CRADD: variants seen among roughly 807,000 people sequenced by gnomAD.
CRADD encodes death domain-containing protein CRADD.
Under a neutral mutation model 15.5 loss-of-function variants are expected in CRADD, and 9 were observed. The observed-to-expected ratio is 0.58, with a 90% CI of 0.35 to 1.01. The LOEUF (loss-of-function observed/expected upper bound fraction) is 1.01. Ranked by LOEUF, CRADD falls within the 50% of genes least tolerant of loss-of-function variation. The pLI is 0.02. For synonymous variants in CRADD, 118 were observed against 107.6 expected (o/e 1.10, Z -0.60); for missense variants, 227 against 250.3 (o/e 0.91, Z 0.63).
intron 2 of CRADD, among the ~76,000 whole-genome samples, chr12:93,742,440 G>GCCGGCTGCCTCTGCGGGCC (rs576081916): frequency 0.029 from 4,382 of 150,818 alleles, 206 homozygotes; most frequent in African/African-American, 0.1. Context: ...GCCCTAGGGC[G>GCCGGCTGCCTCTGCGGGCC]CCGGCTGCCT....
intron 2 of CRADD, among the ~76,000 whole-genome samples, chr12:93,798,997 G>A (rs565630786): frequency 2.0e-5 from 3 of 152,038 alleles, no homozygotes; most frequent in South Asian, 4.2e-4. Context: ...GGACTCCCAG[G>A]AACATAATTA....
chr12:93,846,275 A>G (rs886921411), intron 2 of CRADD, among the ~76,000 whole-genome samples: 4 of 152,150 alleles, frequency 2.6e-5, no homozygotes, highest in African/African-American at 9.7e-5. Flanking sequence ...CCCTGCATTC[A>G]ATTCTTTTGA....
intron 2 of CRADD, among the ~76,000 whole-genome samples, chr12:93,804,544 G>T (rs970917320): frequency 6.6e-6 from 1 of 152,102 alleles, no homozygotes; most frequent in African/African-American, 2.4e-5. Flanking sequence ...GTAGTGCGGG[G>T]TGTCTGCCGG....
intron 2 of CRADD, among the ~76,000 whole-genome samples, chr12:93,754,129 GA>G (rs1447448954): frequency 6.6e-6 from 1 of 152,228 alleles, no homozygotes; most frequent in Admixed American, 6.5e-5. Context: ...ACACCATGTG[GA>G]AACTGCCAAG....
intron 2 of CRADD, among the ~76,000 whole-genome samples, chr12:93,804,540 C>T (rs1233685846): frequency 6.6e-6 from 1 of 152,054 alleles, no homozygotes; most frequent in African/African-American, 2.4e-5. Context: ...AAATGTAGTG[C>T]GGGGTGTCTG....
intron 2 of CRADD, among the ~76,000 whole-genome samples, chr12:93,847,507 A>G (rs1263888473): frequency 6.8e-6 from 1 of 147,190 alleles, no homozygotes; most frequent in Non-Finnish European, 1.5e-5. Flanking sequence ...TGAAAAAAAA[A>G]AAAAAAAAAA....
In CRADD at chr12:93,849,479, G is replaced by A. The variant is rs561967906; in HGVS notation, c.299-491G>A. ...TAACAGGCAGGGTGCTGTGGCTCAC[G>A]CCTGTAATCCTAGCACTTTGGGAGG... On this transcript the variant is annotated intron_variant, in intron 2 of 2. Transcript: ENST00000332896. 7 of 154,516 alleles carry A rather than the reference G, an allele frequency of 4.5e-5. No homozygotes were observed. In the South Asian group the frequency reaches 7.9e-4, roughly 17 times the overall value. 9.6% of individuals were successfully genotyped at this position (154,516 alleles called of 1,614,324 possible). A position where few individuals can be genotyped will look rare whatever the true frequency, so the allele number is the denominator to read the frequency against.
At chr12:93,791,618 T>C (rs993448061) in intron 2 of CRADD, among the ~76,000 whole-genome samples, 1 of 152,258 alleles carries the variant, frequency 6.6e-6, no homozygotes, top group Non-Finnish European at 1.5e-5. Context: ...GCATGGCAAC[T>C]GTAGTAGTTA....
At chr12:93,778,753 T>C (rs984327546) in intron 2 of CRADD, among the ~76,000 whole-genome samples, 1 of 151,896 alleles carries the variant, frequency 6.6e-6, no homozygotes, top group African/African-American at 2.4e-5. Flanking sequence ...TCAGTTTGTT[T>C]CTCCTAAATA....
chr12:93,773,993 C>G (rs977381818), intron 2 of CRADD, among the ~76,000 whole-genome samples: 1 of 129,706 alleles, frequency 7.7e-6, no homozygotes, highest in Non-Finnish European at 1.6e-5. Flanking sequence ...ACCACTCCAC[C>G]TGGCTAATTT....
intron 2 of CRADD, among the ~76,000 whole-genome samples, chr12:93,791,229 T>C (rs189363720): frequency 1.3e-5 from 2 of 152,216 alleles, no homozygotes; most frequent in Admixed American, 1.3e-4. Context: ...CCATGTTCAT[T>C]GCAGCATCAT....
chr12:93,868,720 G>T (rs1958392778), intron 2 of CRADD, among the ~76,000 whole-genome samples: 1 of 148,972 alleles, frequency 6.7e-6, no homozygotes, highest in South Asian at 2.1e-4. Flanking sequence ...ACACAAGAAG[G>T]ACCAAAAATA....
At chr12:93,849,947 CG>C (rs1565938711) in intron 2 of CRADD, 22 bp from the exon 3 acceptor site, 1 of 1,432,258 alleles carries the variant, frequency 7.0e-7, no homozygotes, top group Non-Finnish European at 9.9e-7. Flanking sequence ...CTCATTTCAC[CG>C]GGGTGTCTTT....
At chr12:93,885,375 A>G (rs1048681433) in intron 2 of CRADD, among the ~76,000 whole-genome samples, 1 of 152,164 alleles carries the variant, frequency 6.6e-6, no homozygotes, top group South Asian at 2.1e-4. Flanking sequence ...ATTTTTTGCA[A>G]TCTGTTCTTT....
intron 2 of CRADD, among the ~76,000 whole-genome samples, chr12:93,688,065 G>A (rs930219855): frequency 6.6e-6 from 1 of 152,224 alleles, no homozygotes; most frequent in Non-Finnish European, 1.5e-5. Flanking sequence ...CGAGTTGGAT[G>A]CTCCTCTCAG....
Position 93,816,383 on chromosome 12 carries a change from A to ATTTTT in CRADD, c.299-33576_299-33572dup, listed in dbSNP as rs61294048. On this transcript the variant is annotated intron_variant, in intron 2 of 2. Transcript: ENST00000332896. ...AGGCGTGTGCCGTGATGCCTGGCTA[A>ATTTTT]TTTTTTTTTTTTTTTGGATTTTTGG... Among the ~76,000 whole-genome samples, 23 of 122,088 alleles carry ATTTTT rather than the reference A, an allele frequency of 1.9e-4. 6 individuals are homozygous for ATTTTT. Among genetic ancestry groups the ATTTTT allele is most frequent in the African/African-American group, 3.3e-4 (10 of 30,136 alleles). The allele number at this position is 122,088 out of a possible 152,430, so 80.1% of individuals were successfully genotyped here. A position where few individuals can be genotyped will look rare whatever the true frequency, so the allele number is the denominator to read the frequency against.
chr12:93,889,254 T>C (rs1958559271), intron 2 of CRADD, among the ~76,000 whole-genome samples: 1 of 152,144 alleles, frequency 6.6e-6, no homozygotes, highest in Non-Finnish European at 1.5e-5. Flanking sequence ...TTAGTCTCCC[T>C]ATGTCTCCAG....
intron 2 of CRADD, among the ~76,000 whole-genome samples, chr12:93,686,250 G>A (rs1426644801): frequency 6.0e-5 from 8 of 133,798 alleles, no homozygotes; most frequent in Admixed American, 3.4e-4. Context: ...GCAGTGAGCC[G>A]AGATTGTGCC....
intron 2 of CRADD, among the ~76,000 whole-genome samples, chr12:93,774,334 C>T (rs1279617147): frequency 1.3e-5 from 2 of 152,026 alleles, no homozygotes; most frequent in Non-Finnish European, 2.9e-5. Flanking sequence ...TGATGGGGGC[C>T]TTGGAAGTGA....
Sources: gnomAD v4.1 joint callset for allele counts (sites outside exome capture counted in the v4.1 genomes callset) on GRCh38, gnomAD v4.1.1 for gene constraint, MANE v1.5 for transcripts, NCBI Gene and HGNC (gene_info 2026-07-23, HGNC 2026-07-21) for gene names.